ECHDC1: variants seen among roughly 807,000 people sequenced by gnomAD.
ECHDC1 encodes the protein ethylmalonyl-CoA decarboxylase.
A neutral mutation model predicts 29.7 loss-of-function variants in ECHDC1; 29 were observed. The ratio of observed to expected loss-of-function variants is 0.98; its 90% confidence interval spans 0.73 to 1.33. The LOEUF is 1.33. Among genes scored for constraint, ECHDC1 ranks in the 40% most tolerant of loss-of-function variants. The pLI is 0.00. For missense variants in ECHDC1, 328 were observed against 350.0 expected (o/e 0.94, Z 0.50); for synonymous variants, 126 against 123.1 (o/e 1.02, Z -0.15).
intron 3 of ECHDC1, chr6:127,326,659 C>A: frequency 2.6e-6 from 1 of 383,476 alleles, no homozygotes; most frequent in Non-Finnish European, 5.3e-6. Context: ...CAAAGTGGGG[C>A]ATTTGAGGGG....
intron 5 of ECHDC1, among the ~76,000 whole-genome samples, chr6:127,300,466 A>G (rs1384037733): frequency 1.3e-5 from 2 of 152,232 alleles, no homozygotes; most frequent in African/African-American, 2.4e-5. Context: ...CAATCTAATC[A>G]TGAGAACACT....
chr6:127,331,151 CTTT>C (rs35842645), intron 1 of ECHDC1, 121 bp from the exon 2 acceptor site: 4,858 of 549,922 alleles, frequency 8.8e-3, no homozygotes, highest in South Asian at 0.011. Flanking sequence ...TTCCCCATTT[CTTT>C]TTTTTTTTTT....
intron 5 of ECHDC1, among the ~76,000 whole-genome samples, chr6:127,292,186 G>A (rs1246107559): frequency 1.3e-5 from 2 of 151,926 alleles, no homozygotes; most frequent in East Asian, 1.9e-4. Context: ...GACTATGCCA[G>A]GAATAGATTC....
intron 3 of ECHDC1, among the ~76,000 whole-genome samples, chr6:127,317,088 T>A (rs1292358139): frequency 6.6e-6 from 1 of 152,128 alleles, no homozygotes; most frequent in Non-Finnish European, 1.5e-5. Context: ...CTCCTACTTG[T>A]CAAATTAAAT....
At position 127,321,710 on chromosome 6, in the gene ECHDC1, G is replaced by C. The variant is rs559939229; in HGVS notation, c.364-5208C>G. ...ACCCTATAAAATGCTTTTTCAAATA[G>C]CTGGACGTCGGGCCAGGTGCAGTGG... On this transcript the variant is annotated intron_variant, in intron 3 of 5. Transcript: ENST00000454859. Among the ~76,000 whole-genome samples, 100 of 152,064 alleles carry C rather than the reference G, an allele frequency of 6.6e-4. 1 individual carries two copies. Among genetic ancestry groups the C allele is most frequent in the Non-Finnish European group, 1.1e-3 (74 of 67,948 alleles).
chr6:127,316,403 A>G, intron 4 of ECHDC1, 47 bp downstream of exon 4: 2 of 1,495,540 alleles, frequency 1.3e-6, no homozygotes, highest in East Asian at 2.3e-5. Flanking sequence ...GCAAAAAGCT[A>G]TTTTTGGTCT....
chr6:127,343,065 C>G (rs923693964), intron 1 of ECHDC1: 2 of 152,212 alleles, frequency 1.3e-5, no homozygotes, highest in Admixed American at 1.3e-4. Flanking sequence ...TCGCGGCGCG[C>G]TCTGGGAAGA....
chr6:127,337,941 T>A (rs1784578944), intron 1 of ECHDC1, among the ~76,000 whole-genome samples: 1 of 152,212 alleles, frequency 6.6e-6, no homozygotes, highest in Non-Finnish European at 1.5e-5. Context: ...GGCAAATTTT[T>A]AAAAACATAG....
intron 3 of ECHDC1, among the ~76,000 whole-genome samples, chr6:127,325,179 C>G (rs1321309815): frequency 1.3e-5 from 2 of 152,122 alleles, no homozygotes; most frequent in Non-Finnish European, 2.9e-5. Flanking sequence ...TAACCCCAGC[C>G]TAATATGAGA....
chr6:127,338,250 C>T (rs967041345), intron 1 of ECHDC1, among the ~76,000 whole-genome samples: 2 of 152,222 alleles, frequency 1.3e-5, no homozygotes, highest in East Asian at 3.9e-4. Flanking sequence ...TTAGCGATTT[C>T]AGAGAGAAAG....
chr6:127,331,805 GT>G, intron 1 of ECHDC1: 2 of 984,422 alleles, frequency 2.0e-6, no homozygotes, highest in Non-Finnish European at 2.4e-6. Context: ...TCTAACAGAA[GT>G]TTTATTCTTA....
At chr6:127,306,163 T>C (rs956551599) in intron 5 of ECHDC1, among the ~76,000 whole-genome samples, 6 of 152,082 alleles carry the variant, frequency 3.9e-5, no homozygotes, top group Non-Finnish European at 8.8e-5. Flanking sequence ...TATATTTATT[T>C]CAGACAAAAT....
At chr6:127,310,012 G>C (rs1043925149) in intron 5 of ECHDC1, among the ~76,000 whole-genome samples, 1 of 152,116 alleles carries the variant, frequency 6.6e-6, no homozygotes, top group Non-Finnish European at 1.5e-5. Context: ...GATTTGGGTG[G>C]TGACACAGAG....
chr6:127,329,761 C>CT (rs1783745040), intron 2 of ECHDC1: 1 of 310,762 alleles, frequency 3.2e-6, no homozygotes, highest in Non-Finnish European at 6.4e-6. Flanking sequence ...TTAATTTTAC[C>CT]TTTTTTAAAT....
chr6:127,291,233 C>T (rs1250763859), intron 5 of ECHDC1, among the ~76,000 whole-genome samples: 1 of 150,054 alleles, frequency 6.7e-6, no homozygotes, highest in Non-Finnish European at 1.5e-5. Context: ...CTCTAGTTGC[C>T]ATGTGCATGA....
intron 1 of ECHDC1, among the ~76,000 whole-genome samples, chr6:127,333,487 A>G (rs1784145671): frequency 6.6e-6 from 1 of 152,072 alleles, no homozygotes; most frequent in African/African-American, 2.4e-5. Context: ...CTTTTGATCA[A>G]TACATACCCA....
At chr6:127,297,248 A>G (rs1012289620) in intron 5 of ECHDC1, among the ~76,000 whole-genome samples, 79 of 152,308 alleles carry the variant, frequency 5.2e-4, no homozygotes, top group African/African-American at 1.9e-3. Flanking sequence ...TAGCAATCCT[A>G]TTTCTAGTGT....
At position 127,328,797 on chromosome 6, in the gene ECHDC1, C is replaced by T. The variant is rs574020977; in HGVS notation, c.221-1653G>A. Among the ~76,000 whole-genome samples, 461 of 152,208 alleles carry T rather than the reference C, an allele frequency of 3.0e-3. 1 individual carries two copies. Among genetic ancestry groups the T allele is most frequent in the Non-Finnish European group, 2.7e-3 (187 of 68,004 alleles). On this transcript the variant is annotated intron_variant, in intron 2 of 5. Transcript: ENST00000454859. ...ATCCCAGCACTTTGGGAGGCCAAGG[C>T]GGGCAGATCACGAGGTCAGGAGATC...
chr6:127,319,435 CT>C, intron 3 of ECHDC1, among the ~76,000 whole-genome samples: 1 of 152,290 alleles, frequency 6.6e-6, no homozygotes, highest in Middle Eastern at 3.4e-3. Flanking sequence ...ATTAATATTA[CT>C]AACAATACTG....
Sources: gnomAD v4.1 joint callset for allele counts (sites outside exome capture counted in the v4.1 genomes callset) on GRCh38, gnomAD v4.1.1 for gene constraint, MANE v1.5 for transcripts, NCBI Gene and HGNC (gene_info 2026-07-23, HGNC 2026-07-21) for gene names.